SUCO: variants seen among roughly 807,000 people sequenced by gnomAD.
The protein encoded by SUCO is SUN domain containing ossification factor.
Under a neutral mutation model 148.1 loss-of-function variants are expected in SUCO, and 57 were observed. That is an observed-to-expected ratio of 0.38 (90% confidence interval 0.31 to 0.48). SUCO has a LOEUF of 0.48. Among genes scored for constraint, SUCO ranks in the 20% least tolerant of loss-of-function variants. SUCO has a pLI of 0.96. For missense variants in SUCO, 1,331 were observed against 1,468.2 expected, an observed-to-expected ratio of 0.91 and a Z score of 1.53; for synonymous variants, 470 against 502.7, an observed-to-expected ratio of 0.93 and a Z score of 0.87.
chr1:172,577,486 G>A (rs1655532385), intron 11 of SUCO, 53 bp from the exon 12 acceptor site: 2 of 1,542,088 alleles, frequency 1.3e-6, no homozygotes, highest in African/African-American at 2.7e-5. Context: ...CTTATTGCAT[G>A]ATGTCTAGAC....
At chr1:172,557,489 G>A in intron 5 of SUCO, 72 bp downstream of exon 5, 1 of 1,576,840 alleles carries the variant, frequency 6.3e-7, no homozygotes, top group Non-Finnish European at 8.6e-7. Context: ...AATGGACTTT[G>A]GTGTATGTTA....
At chr1:172,608,433 A>G in intron 22 of SUCO, 2 of 334,514 alleles carry the variant, frequency 6.0e-6, no homozygotes, top group Non-Finnish European at 5.4e-6. Context: ...ATCAGGTAAA[A>G]GAGTGAGGCT....
chr1:172,589,200 G>C lies in SUCO; in HGVS notation c.2099G>C (p.Gly700Ala), dbSNP rs116494412. The change falls in exon 18 of 24, where the codon GGT (glycine) becomes GCT (alanine). Residue 700 changes from glycine (G) to alanine (A), a missense_variant. Around this residue, in one of 3 missense-constraint regions of SUCO, gnomAD observed 992 missense variants for 1,093.5 expected, o/e 0.91. Coordinates refer to ENST00000263688, the MANE Select transcript of SUCO (RefSeq NM_014283.5). ...IEREAETVVL[G>A]DLSSSMHQDD... Reference sequence around the variant, plus strand: ...AGGGAAGCTGAAACTGTTGTTCTGGGTGATTTAAGTAGTAGTATGCACCAG... The same window carrying C: ...AGGGAAGCTGAAACTGTTGTTCTGGCTGATTTAAGTAGTAGTATGCACCAG... The C allele has an allele frequency of 6.2e-7, 1 of 1,613,878 alleles. No homozygotes were observed. Among genetic ancestry groups the C allele is most frequent in the Admixed American group, 1.7e-5 (1 of 59,976 alleles).
intron 15 of SUCO, among the ~76,000 whole-genome samples, chr1:172,582,230 A>G (rs1260255071): frequency 6.6e-6 from 1 of 152,136 alleles, no homozygotes; most frequent in Non-Finnish European, 1.5e-5. Context: ...CTTCTCAAGT[A>G]TTTTTTGTGG....
upstream of SUCO, chr1:172,532,569 C>T (rs77025284): frequency 9.9e-6 from 16 of 1,613,808 alleles, no homozygotes; most frequent in East Asian, 2.2e-5. Flanking sequence ...GGTGCAGCTT[C>T]CCTCACAACA....
rs372623434 is a variant in SUCO, at chr1:172,608,724, C to CTT, written c.3266-10_3266-9dup. 9.4e-4 allele frequency: 1,281 copies of CTT among 1,361,586 alleles called. 6 individuals are homozygous for CTT. In the African/African-American group the frequency reaches 0.011, roughly 12 times the overall value. The allele number at this position is 1,361,586 out of a possible 1,614,324, so 84.3% of individuals were successfully genotyped here. A position where few individuals can be genotyped will look rare whatever the true frequency, so the allele number is the denominator to read the frequency against. ...AAATCCACTTTACATTTTACATCTG[C>CTT]TTTTTTTTTTTTTTACTTACAGTAG... On this transcript the variant is annotated intron_variant, in intron 22 of 23. Coordinates refer to ENST00000263688, the MANE Select transcript of SUCO (RefSeq NM_014283.5).
upstream of SUCO, chr1:172,532,474 T>C (rs1651655231): frequency 6.2e-7 from 1 of 1,611,500 alleles, no homozygotes; most frequent in African/African-American, 1.3e-5. Flanking sequence ...ACCAATCAGA[T>C]GAGAGGATTC....
chr1:172,535,503 C>G (rs1000027110), intron 1 of SUCO, among the ~76,000 whole-genome samples: 1 of 152,156 alleles, frequency 6.6e-6, no homozygotes, highest in South Asian at 2.1e-4. Flanking sequence ...GAAGCCTCTG[C>G]TTTTGTGCCA....
In SUCO at chr1:172,602,171, T is replaced by C; in HGVS notation, c.3126T>C (p.Asp1042=). The C allele has an allele frequency of 3.1e-6, 5 of 1,613,666 alleles. No homozygotes were observed. Among genetic ancestry groups the C allele is most frequent in the Non-Finnish European group, 4.2e-6 (5 of 1,179,780 alleles). Residue 1042 remains aspartate, a synonymous_variant, in exon 21 of 24, where the codon GAT becomes GAC. Coordinates refer to ENST00000263688, the MANE Select transcript of SUCO (RefSeq NM_014283.5). ...RCRNTSQFDG[D]YISKLPKSNQ... ...GAAATACTTCTCAATTTGATGGAGATTATATTTCAAAACTTCCTAAAAGTA... is the reference window on the plus strand; with the variant it reads ...GAAATACTTCTCAATTTGATGGAGACTATATTTCAAAACTTCCTAAAAGTA...
At chr1:172,581,194 A>G (rs927426631) in intron 15 of SUCO, among the ~76,000 whole-genome samples, 17 of 152,210 alleles carry the variant, frequency 1.1e-4, no homozygotes, top group African/African-American at 4.1e-4. Flanking sequence ...CAGTATATCA[A>G]TTAATTAGAC....
chr1:172,555,388 C>T, intron 3 of SUCO: 2 of 985,256 alleles, frequency 2.0e-6, no homozygotes, highest in Non-Finnish European at 2.4e-6. Flanking sequence ...GACTGAAAGG[C>T]CCAGGTCATT....
Position 172,551,522 on chromosome 1 carries a change from T to C in SUCO, c.73T>C (p.Trp25Arg). The part of the protein sequence containing the change: ...FLCSLVWLPS[W>R]RVCCKESSSA... ...GTGGGTGTTTTACAGGCTTCCCAGCTGGCGTGTATGTTGTAAAGAGAGTTC... is the reference window on the plus strand; with the variant it reads ...GTGGGTGTTTTACAGGCTTCCCAGCCGGCGTGTATGTTGTAAAGAGAGTTC... Residue 25 changes from tryptophan (W) to arginine (R), a missense_variant, in exon 2 of 24, where the codon TGG becomes CGG. Around this residue, in one of 3 missense-constraint regions of SUCO, gnomAD observed 992 missense variants for 1,093.5 expected, o/e 0.91. Transcript: ENST00000263688. 1 of 1,600,610 alleles carries C rather than the reference T, an allele frequency of 6.2e-7. No individual in the cohort carries two copies. The highest frequency in any genetic ancestry group is 8.5e-7 in the Non-Finnish European group (1 of 1,173,474).
intron 6 of SUCO, among the ~76,000 whole-genome samples, chr1:172,566,148 G>A (rs374257870): frequency 1.3e-5 from 2 of 152,242 alleles, no homozygotes; most frequent in African/African-American, 4.8e-5. Flanking sequence ...TGTGCTGTCT[G>A]CCAGGGAAAA....
intron 15 of SUCO, 75 bp downstream of exon 15, chr1:172,579,342 TG>T: frequency 1.1e-6 from 1 of 923,188 alleles, no homozygotes; most frequent in Non-Finnish European, 1.7e-6. Context: ...TGTCATGGTA[TG>T]GTTGAGGAGA....
Position 172,602,224 on chromosome 1 carries a change from A to T in SUCO, c.3173+6A>T. ...CAGTATCCAAGCCCTAAAAGGTAAT[A>T]TCAGCATTATATTTCACAATTTTAT... On this transcript the variant is annotated splice_donor_region_variant and intron_variant, in intron 21 of 23. Transcript: ENST00000263688. The T allele has an allele frequency of 6.3e-7, 1 of 1,585,596 alleles. No individual in the cohort carries two copies. The highest frequency in any genetic ancestry group is 8.6e-7 in the Non-Finnish European group (1 of 1,166,248).
intron 15 of SUCO, among the ~76,000 whole-genome samples, chr1:172,581,579 A>C (rs984201266): frequency 1.3e-5 from 2 of 152,212 alleles, no homozygotes; most frequent in Non-Finnish European, 2.9e-5. Context: ...GAAGAAGTAA[A>C]TAATAAAGTG....
chr1:172,532,401 G>GCTT (rs1464068006), upstream of SUCO: 1 of 1,197,658 alleles, frequency 8.3e-7, no homozygotes, highest in Non-Finnish European at 1.2e-6. Context: ...CTTAAAGTGA[G>GCTT]GAACCCGGCA....
chr1:172,533,236 C>G lies in SUCO; in HGVS notation c.-200C>G. ...CGGTCCCCGGAGTCCTGTGAAGCGC[C>G]CCTGTCCGCGCCTCTGTGGGGCCCT... On this transcript the variant is annotated 5_prime_UTR_variant, in exon 1 of 24. Coordinates refer to ENST00000263688, the MANE Select transcript of SUCO (RefSeq NM_014283.5). The G allele has an allele frequency of 6.5e-7, 1 of 1,546,482 alleles. No homozygotes were observed.
At chr1:172,585,294 T>C (rs1656161294) in intron 16 of SUCO, 1 of 299,408 alleles carries the variant, frequency 3.3e-6, no homozygotes, top group African/African-American at 2.3e-5. Flanking sequence ...TATATAAAAC[T>C]TATGAATTTG....
Sources: gnomAD v4.1 joint callset for allele counts (sites outside exome capture counted in the v4.1 genomes callset) on GRCh38, gnomAD v4.1.1 for gene constraint, gnomAD v4.1.1 regional missense constraint, MANE v1.5 for transcripts, NCBI Gene and HGNC (gene_info 2026-07-23, HGNC 2026-07-21) for gene names.